The following THBS2 variants were observed in gnomAD, a reference collection of about 807,000 sequenced individuals.
THBS2 encodes thrombospondin 2, also known as thrombospondin-2.
A neutral mutation model predicts 135.2 loss-of-function variants in THBS2; 47 were observed. The observed-to-expected ratio is 0.35, with a 90% CI of 0.28 to 0.44. The LOEUF is 0.44. Ranked by LOEUF, THBS2 falls within the 20% of genes least tolerant of loss-of-function variation. The pLI is 1.00. For missense variants in THBS2, 1,288 were observed against 1,603.1 expected, an observed-to-expected ratio of 0.80 and a Z score of 3.36; for synonymous variants, 639 against 633.8, an observed-to-expected ratio of 1.01 and a Z score of -0.12.
In THBS2 at chr6:169,241,713, G is replaced by T; in HGVS notation, c.891+49C>A. 1 of 1,538,338 alleles carries T rather than the reference G, an allele frequency of 6.5e-7. No individual in the cohort carries two copies. On this transcript the variant is annotated intron_variant, in intron 5 of 21. Coordinates refer to ENST00000617924, the MANE Select transcript of THBS2 (RefSeq NM_003247.5). The surrounding 1 kb of genome is among the most constrained non-coding windows in gnomAD (Gnocchi z 5.5). ...ATACCTGCTGAGATGGGCCAGCGGC[G>T]GAGCTGCCCATGCCCTATGACCCCC...
rs1400880739 is a variant in THBS2 at position 169,237,353 on chromosome 6, C to G, written c.1301-7G>C. 4.3e-6 allele frequency: 7 copies of G among 1,613,016 alleles called. No homozygotes were observed. Among genetic ancestry groups the G allele is most frequent in the Non-Finnish European group, 5.9e-6 (7 of 1,180,020 alleles). On this transcript the variant is annotated splice_region_variant and splice_polypyrimidine_tract_variant and intron_variant, in intron 8 of 21. Coordinates refer to ENST00000617924, the MANE Select transcript of THBS2 (RefSeq NM_003247.5). Reference sequence around the variant, plus strand: ...CAGCCGCCGTCCTGCCGGACTAACACAAGAAGCGGAGAGAGATCAGGCTGT... The same window carrying G: ...CAGCCGCCGTCCTGCCGGACTAACAGAAGAAGCGGAGAGAGATCAGGCTGT...
At chr6:169,227,547 C>T (rs1583407892) in intron 15 of THBS2, among the ~76,000 whole-genome samples, 2 of 152,112 alleles carry the variant, frequency 1.3e-5, no homozygotes, top group African/African-American at 4.8e-5. Context: ...AAGCACGAGG[C>T]CCAGGACTGC....
In THBS2 at chr6:169,253,745, G is replaced by A. The variant is rs1780826969; in HGVS notation, c.-44C>T. Reference sequence around the variant, plus strand: ...GTACCTGGTTTGCCAAAAAGATGCAGTGATGACTGGTTTCAGTGTTCCGGA... The same window carrying A: ...GTACCTGGTTTGCCAAAAAGATGCAATGATGACTGGTTTCAGTGTTCCGGA... On this transcript the variant is annotated 5_prime_UTR_variant, in exon 1 of 22. Transcript: ENST00000617924. The A allele has an allele frequency of 6.6e-6, 1 of 152,278 alleles. No individual in the cohort carries two copies. The highest frequency in any genetic ancestry group is 1.5e-5 in the Non-Finnish European group (1 of 68,056). 9.4% of individuals were successfully genotyped at this position (152,278 alleles called of 1,614,324 possible).
chr6:169,223,883 A>G lies in THBS2; in HGVS notation c.2774-408T>C, dbSNP rs116597742. Among the ~76,000 whole-genome samples, 1,155 of 152,248 alleles carry G rather than the reference A, an allele frequency of 7.6e-3. 15 individuals carry two copies. Among genetic ancestry groups the G allele is most frequent in the African/African-American group, 0.027 (1,109 of 41,544 alleles). Reference sequence around the variant, plus strand: ...TTTCTTAGTCATCCTTGCCTTTTATAGTCTATTTGGCATTAAAGCGGAACT... The same window carrying G: ...TTTCTTAGTCATCCTTGCCTTTTATGGTCTATTTGGCATTAAAGCGGAACT... On this transcript the variant is annotated intron_variant, in intron 17 of 21. Coordinates refer to ENST00000617924, the MANE Select transcript of THBS2 (RefSeq NM_003247.5).
At position 169,221,487 on chromosome 6, in the gene THBS2, T is replaced by C. The variant is rs758692958; in HGVS notation, c.3314A>G (p.Lys1105Arg). ...LWHDPRNIGWKDYTAYRWHLT... is the reference protein window; with the variant it reads ...LWHDPRNIGWRDYTAYRWHLT... The stretch of plus-strand genomic sequence containing the variant: ...GTGCCACCTATAGGCCGTGTAGTCC[T>C]TCCAGCCAATGTTCCTGGGGTCGTG... Residue 1105 changes from lysine (K) to arginine (R), a missense_variant, in exon 20 of 22, where the codon AAG becomes AGG. Lys to Arg is a conservative substitution (Grantham distance 26). Around this residue, in one of 2 missense-constraint regions of THBS2, gnomAD observed 874 missense variants for 1,156.1 expected, o/e 0.76. Coordinates refer to ENST00000617924, the MANE Select transcript of THBS2 (RefSeq NM_003247.5). 3 of 1,614,026 alleles carry C rather than the reference T, an allele frequency of 1.9e-6. No homozygotes were observed. The South Asian group carries it at 3.3e-5, about 18-fold the overall frequency.
At chr6:169,218,476 T>TG (rs369652335) in intron 21 of THBS2, among the ~76,000 whole-genome samples, 612 of 55,402 alleles carry the variant, frequency 0.011, 5 homozygotes, top group African/African-American at 0.042. Flanking sequence ...GATAGATGAG[T>TG]GGGGGTGGAT....
chr6:169,228,735 C>A (rs1562356696), intron 14 of THBS2, among the ~76,000 whole-genome samples: 1 of 152,098 alleles, frequency 6.6e-6, no homozygotes, highest in African/African-American at 2.4e-5. Flanking sequence ...ACCAGCCTGG[C>A]CAACATGGTG....
intron 17 of THBS2, among the ~76,000 whole-genome samples, chr6:169,224,351 C>G (rs113562765): frequency 6.6e-6 from 1 of 152,216 alleles, no homozygotes; most frequent in African/African-American, 2.4e-5. Context: ...CCTGCATGCC[C>G]GAACACGGAG....
At chr6:169,228,829 C>T (rs1488095336) in intron 14 of THBS2, among the ~76,000 whole-genome samples, 1 of 145,564 alleles carries the variant, frequency 6.9e-6, no homozygotes, top group African/African-American at 2.6e-5. Context: ...GAGACTGAGG[C>T]AAGAGAATCG....
chr6:169,225,467 GCCT>G, intron 16 of THBS2, 88 bp from the exon 17 acceptor site: 4 of 1,331,232 alleles, frequency 3.0e-6, no homozygotes, highest in Non-Finnish European at 4.2e-6. Flanking sequence ...CTGAGAGCCG[GCCT>G]CCTCGTCCTG....
Position 169,239,603 on chromosome 6 carries a change from G to A in THBS2, c.1125C>T (p.Leu375=). ...FVEGECCPSC[L]HSVDGEEGWS... ...TTGCCGGCTGGCGATACTCACAGTGGAGGCAGGAAGGGCAGCATTCGCCTT... is the reference window on the plus strand; with the variant it reads ...TTGCCGGCTGGCGATACTCACAGTGAAGGCAGGAAGGGCAGCATTCGCCTT... Residue 375 remains leucine (L), a synonymous_variant, in exon 7 of 22, where the codon CTC becomes CTT. Transcript: ENST00000617924. 6.3e-7 allele frequency: 1 copy of A among 1,599,814 alleles called. No individual in the cohort carries two copies. The highest frequency in any genetic ancestry group is 8.5e-7 in the Non-Finnish European group (1 of 1,173,870).
chr6:169,242,046 G>A, intron 4 of THBS2, 88 bp from the exon 5 acceptor site: 1 of 1,440,918 alleles, frequency 6.9e-7, no homozygotes, highest in Non-Finnish European at 9.3e-7. Context: ...GACCCGCCCT[G>A]GCTCCCGGAG....
intron 4 of THBS2, among the ~76,000 whole-genome samples, chr6:169,245,082 A>C (rs1583420113): frequency 6.6e-6 from 1 of 152,248 alleles, no homozygotes; most frequent in Non-Finnish European, 1.5e-5. Flanking sequence ...TACGCTTGTC[A>C]TAATTTGGAA....
intron 16 of THBS2, 82 bp from the exon 17 acceptor site, chr6:169,225,461 G>A: frequency 7.2e-7 from 1 of 1,384,648 alleles, no homozygotes; most frequent in Non-Finnish European, 1.0e-6. Context: ...GCAAGCCTGA[G>A]AGCCGGCCTC....
At chr6:169,243,499 C>A (rs78789961) in intron 4 of THBS2, among the ~76,000 whole-genome samples, 1 of 152,184 alleles carries the variant, frequency 6.6e-6, no homozygotes, top group African/African-American at 2.4e-5. Context: ...CATTTTACAG[C>A]GCTGTCAGGC....
Position 169,232,176 on chromosome 6 carries a change from C to T in THBS2, c.1955G>A (p.Cys652Tyr). The change falls in exon 13 of 22, where the codon TGC becomes TAC. Residue 652 changes from cysteine to tyrosine, a missense_variant. Around this residue, in one of 2 missense-constraint regions of THBS2, gnomAD observed 874 missense variants for 1,156.1 expected, o/e 0.76. Transcript: ENST00000617924. ...GTGGCAGTTGTGTGTCTTGTCCTTGCATGGGTTTTCGGGCTCACACACCTA... is the reference window on the plus strand; with the variant it reads ...GTGGCAGTTGTGTGTCTTGTCCTTGTATGGGTTTTCGGGCTCACACACCTA... Reference protein sequence around the residue: ...EKQVCEPENPCKDKTHNCHKH... With the variant: ...EKQVCEPENPYKDKTHNCHKH... The T allele has an allele frequency of 6.2e-7, 1 of 1,613,882 alleles. No homozygotes were observed. The highest frequency in any genetic ancestry group is 8.5e-7 in the Non-Finnish European group (1 of 1,179,934).
chr6:169,245,791 CAAAAAA>C (rs77953553), intron 4 of THBS2, among the ~76,000 whole-genome samples: 1 of 84,940 alleles, frequency 1.2e-5, no homozygotes, highest in Admixed American at 1.3e-4. Context: ...GACTCTGGCT[CAAAAAA>C]AAAAAAAAAA....
At chr6:169,223,199 G>T in intron 18 of THBS2, 49 bp downstream of exon 18, 3 of 1,556,752 alleles carry the variant, frequency 1.9e-6, no homozygotes, top group East Asian at 2.3e-5. Context: ...TTCTGTGGGC[G>T]CCTCCCCCGG....
chr6:169,216,354 T>G lies in THBS2; in HGVS notation c.*1468A>C, dbSNP rs946719061. The G allele has an allele frequency of 1.3e-5, 2 of 152,128 alleles. No homozygotes were observed. Among genetic ancestry groups the G allele is most frequent in the South Asian group, 4.1e-4 (2 of 4,824 alleles). 9.4% of individuals were successfully genotyped at this position (152,128 alleles called of 1,614,324 possible). On this transcript the variant is annotated 3_prime_UTR_variant, in exon 22 of 22. Transcript: ENST00000617924. ...AGACAGACTTCTCTTACTAAACCCC[T>G]TATGTGGAGTGGGATGAGTGACTAT...
Sources: gnomAD v4.1 joint callset for allele counts (sites outside exome capture counted in the v4.1 genomes callset) on GRCh38, gnomAD v4.1.1 for gene constraint, gnomAD v4.1.1 regional missense constraint, Gnocchi (gnomAD v3.1) non-coding constraint, MANE v1.5 for transcripts, NCBI Gene and HGNC (gene_info 2026-07-23, HGNC 2026-07-21) for gene names.